SPRYD7: variants seen among roughly 807,000 people sequenced by gnomAD.
SPRYD7 encodes SPRY domain containing 7, also known as SPRY domain-containing protein 7.
Under a neutral mutation model 23.8 loss-of-function variants are expected in SPRYD7, and 14 were observed. The observed-to-expected ratio is 0.59, with a 90% CI of 0.39 to 0.92. The LOEUF is 0.92. SPRYD7 is among the 40% of genes least tolerant of loss of function. The pLI, the probability that SPRYD7 is intolerant of heterozygous loss-of-function variation, is 0.00. For missense variants in SPRYD7, 194 were observed against 241.7 expected (o/e 0.80, Z 1.31); for synonymous variants, 75 against 84.9 (o/e 0.88, Z 0.64).
intron 2 of SPRYD7, among the ~76,000 whole-genome samples, chr13:49,930,511 G>T (rs562014487): frequency 1.2e-4 from 18 of 152,084 alleles, no homozygotes; most frequent in Non-Finnish European, 2.4e-4. Context: ...AACCCGGGAG[G>T]CGGAGGTTGC....
rs1376778903 is a variant in SPRYD7, at chr13:49,913,292, C to G, written c.*1771G>C. ...AAAATTACACGGGCGTGGTGGCGGG[C>G]ACCTGTAGTCCCACCTACTCGGGAG... On this transcript the variant is annotated 3_prime_UTR_variant, in exon 5 of 5. Coordinates refer to ENST00000361840, the MANE Select transcript of SPRYD7 (RefSeq NM_020456.4). The G allele has an allele frequency of 6.6e-6, 1 of 150,938 alleles. No homozygotes were observed. The highest frequency in any genetic ancestry group is 2.4e-5 in the African/African-American group (1 of 41,086). The allele number at this position is 150,938 out of a possible 1,614,324, so 9.3% of individuals were successfully genotyped here. A position where few individuals can be genotyped will look rare whatever the true frequency, so the allele number is the denominator to read the frequency against.
chr13:49,935,819 G>T, intron 1 of SPRYD7: 1 of 240,396 alleles, frequency 4.2e-6, no homozygotes, highest in East Asian at 8.1e-5. Context: ...CGCGCCAGAA[G>T]GGCACTCTCC....
chr13:49,934,815 T>C (rs972369435), intron 1 of SPRYD7, among the ~76,000 whole-genome samples: 5 of 152,292 alleles, frequency 3.3e-5, no homozygotes, highest in Admixed American at 2.6e-4. Flanking sequence ...AGTGCTGCAG[T>C]TGATCATGAG....
At chr13:49,935,510 CAGTT>C (rs1257672622) in intron 1 of SPRYD7, 2 of 152,304 alleles carry the variant, frequency 1.3e-5, no homozygotes, top group South Asian at 2.1e-4. Flanking sequence ...TATTTTTCAA[CAGTT>C]AGACCTGTTG....
At chr13:49,933,608 A>AG (rs1394963539) in intron 1 of SPRYD7, among the ~76,000 whole-genome samples, 2 of 151,602 alleles carry the variant, frequency 1.3e-5, no homozygotes, top group African/African-American at 4.9e-5. Context: ...TCTCAAAAAA[A>AG]AAAAAAAGAA....
intron 3 of SPRYD7, among the ~76,000 whole-genome samples, chr13:49,925,130 T>C (rs1479102986): frequency 5.3e-5 from 8 of 149,842 alleles, no homozygotes; most frequent in East Asian, 4.1e-4. Flanking sequence ...CGGTGGCTCA[T>C]GCCTGTAATC....
intron 1 of SPRYD7, among the ~76,000 whole-genome samples, chr13:49,933,631 A>G (rs1658578028): frequency 1.3e-5 from 2 of 151,828 alleles, no homozygotes; most frequent in Admixed American, 1.3e-4. Flanking sequence ...AAAAAGAAAG[A>G]AAGAATATTC....
intron 1 of SPRYD7, among the ~76,000 whole-genome samples, chr13:49,931,861 T>A (rs921172951): frequency 6.6e-6 from 1 of 152,144 alleles, no homozygotes; most frequent in African/African-American, 2.4e-5. Flanking sequence ...GGTGGGAGGA[T>A]CACTTGAGCC....
intron 4 of SPRYD7, among the ~76,000 whole-genome samples, chr13:49,915,731 G>C (rs1439230114): frequency 6.6e-6 from 1 of 152,112 alleles, no homozygotes; most frequent in African/African-American, 2.4e-5. Flanking sequence ...TATATCCAAA[G>C]ACATATTTTC....
At chr13:49,921,863 T>G (rs193118928) in intron 3 of SPRYD7, among the ~76,000 whole-genome samples, 18 of 152,314 alleles carry the variant, frequency 1.2e-4, no homozygotes, top group African/African-American at 4.3e-4. Context: ...ATATTTTGAA[T>G]GCTAAGATAA....
chr13:49,918,765 A>C (rs146546732), intron 4 of SPRYD7, among the ~76,000 whole-genome samples: 1 of 150,926 alleles, frequency 6.6e-6, no homozygotes, highest in Non-Finnish European at 1.5e-5. Context: ...CCCAGGCTGG[A>C]GTGCAATGGC....
chr13:49,931,064 A>AG lies in SPRYD7; in HGVS notation c.176dup (p.Leu60PhefsTer9). The stretch of plus-strand genomic sequence containing the variant: ...CAAAATAGCTTTTGTTTTGATGTAA[A>AG]GGTGCGCTGGCTAAACAACCTCCTG... On this transcript the variant is annotated frameshift_variant, in exon 2 of 5. Transcript: ENST00000361840. LOFTEE classifies it high-confidence loss of function. 1 of 1,613,710 alleles carries AG rather than the reference A, an allele frequency of 6.2e-7. No individual in the cohort carries two copies. The highest frequency in any genetic ancestry group is 8.5e-7 in the Non-Finnish European group (1 of 1,179,776).
In SPRYD7 at chr13:49,931,104, C is replaced by T. The variant is rs1955942743; in HGVS notation, c.137G>A (p.Arg46Lys). 6.2e-7 allele frequency: 1 copy of T among 1,612,572 alleles called. No individual in the cohort carries two copies. Among genetic ancestry groups the T allele is most frequent in the Non-Finnish European group, 8.5e-7 (1 of 1,179,082 alleles). Reference sequence around the variant, plus strand: ...ACAACCTCCTGTTCCACATATTCTTCTTCCATTCTTTACAATAACAACATC... The same window carrying T: ...ACAACCTCCTGTTCCACATATTCTTTTTCCATTCTTTACAATAACAACATC... ...GTDVVIVKNG[R>K]RICGTGGCLA... is the part of the protein sequence containing the mutation. Residue 46 changes from arginine to lysine, a missense_variant, in exon 2 of 5, where the codon AGA (arginine) becomes AAA (lysine). Coordinates refer to ENST00000361840, the MANE Select transcript of SPRYD7 (RefSeq NM_020456.4).
intron 1 of SPRYD7, chr13:49,935,694 A>G (rs139657719): frequency 6.5e-6 from 1 of 152,890 alleles, no homozygotes; most frequent in East Asian, 1.9e-4. Flanking sequence ...TTCCAATAAT[A>G]TAGGATTCAA....
At position 49,912,969 on chromosome 13, in the gene SPRYD7, A is replaced by T. The variant is rs373465115; in HGVS notation, c.*2094T>A. 91 of 152,374 alleles carry T rather than the reference A, an allele frequency of 6.0e-4. No individual in the cohort carries two copies. The highest frequency in any genetic ancestry group is 2.1e-3 in the African/African-American group (87 of 41,590). The allele number at this position is 152,374 out of a possible 1,614,324, so 9.4% of individuals were successfully genotyped here. A position where few individuals can be genotyped will look rare whatever the true frequency, so the allele number is the denominator to read the frequency against. On this transcript the variant is annotated 3_prime_UTR_variant, in exon 5 of 5. Coordinates refer to ENST00000361840, the MANE Select transcript of SPRYD7 (RefSeq NM_020456.4). ...TTCTCTGAGCCTATGGGTCAAAAATAGCCCATCATAAATCCTTAGAAAATT... is the reference window on the plus strand; with the variant it reads ...TTCTCTGAGCCTATGGGTCAAAAATTGCCCATCATAAATCCTTAGAAAATT...
intron 4 of SPRYD7, among the ~76,000 whole-genome samples, chr13:49,920,505 T>C (rs994138414): frequency 5.3e-5 from 8 of 152,168 alleles, no homozygotes; most frequent in African/African-American, 9.7e-5. Flanking sequence ...TTTTGAAACT[T>C]TCTAAAACAT....
rs1021146707 is a variant in SPRYD7 at position 49,914,973 on chromosome 13, T to C, written c.*90A>G. On this transcript the variant is annotated 3_prime_UTR_variant, in exon 5 of 5. Transcript: ENST00000361840. ...GCATCAACAAGCATATTTTTAAGAATATATTTTCATCTATAGGCCAGGTAA... is the reference window on the plus strand; with the variant it reads ...GCATCAACAAGCATATTTTTAAGAACATATTTTCATCTATAGGCCAGGTAA... 26 of 629,974 alleles carry C rather than the reference T, an allele frequency of 4.1e-5. No individual in the cohort carries two copies. Among genetic ancestry groups the C allele is most frequent in the Non-Finnish European group, 5.8e-5 (22 of 381,982 alleles). 39.0% of individuals were successfully genotyped at this position (629,974 alleles called of 1,614,324 possible).
chr13:49,919,245 C>A (rs1434892600), intron 4 of SPRYD7, among the ~76,000 whole-genome samples: 1 of 151,390 alleles, frequency 6.6e-6, no homozygotes, highest in Non-Finnish European at 1.5e-5. Context: ...GGTGAAACCC[C>A]ATCTCTAGTA....
intron 1 of SPRYD7, among the ~76,000 whole-genome samples, chr13:49,932,020 C>CT (rs1871405290): frequency 1.3e-5 from 2 of 152,206 alleles, no homozygotes; most frequent in Admixed American, 1.3e-4. Flanking sequence ...TAGAAATAGA[C>CT]TAACTCTTTT....
Sources: allele counts gnomAD v4.1 joint callset (sites outside exome capture counted in the v4.1 genomes callset), GRCh38; gene constraint gnomAD v4.1.1; transcripts MANE v1.5; gene names NCBI Gene and HGNC (gene_info 2026-07-23, HGNC 2026-07-21).